The following SPOCK3 variants were observed in gnomAD, a reference collection of about 807,000 sequenced individuals.
SPOCK3 encodes the protein testican-3.
Under a neutral mutation model 56.6 loss-of-function variants are expected in SPOCK3, and 30 were observed. The observed-to-expected ratio is 0.53, with a 90% CI of 0.40 to 0.72. SPOCK3 has a LOEUF of 0.72. Ranked by LOEUF, SPOCK3 falls within the 30% of genes least tolerant of loss-of-function variation. The pLI is 0.00. For synonymous variants in SPOCK3, 196 were observed against 183.3 expected, an observed-to-expected ratio of 1.07 and a Z score of -0.56; for missense variants, 527 against 530.0, an observed-to-expected ratio of 0.99 and a Z score of 0.06.
chr4:167,016,620 A>G (rs1207436482), intron 3 of SPOCK3, among the ~76,000 whole-genome samples: 1 of 151,466 alleles, frequency 6.6e-6, no homozygotes, highest in Non-Finnish European at 1.5e-5. Context: ...AGCTCATTGC[A>G]ACATTTGCCT....
intron 3 of SPOCK3, among the ~76,000 whole-genome samples, chr4:167,055,921 T>A (rs1310969028): frequency 6.6e-6 from 1 of 152,122 alleles, no homozygotes; most frequent in African/African-American, 2.4e-5. Flanking sequence ...GACTTAAATG[T>A]CCCTGTCTGA....
At chr4:167,084,365 C>T (rs1757995131) in intron 2 of SPOCK3, among the ~76,000 whole-genome samples, 1 of 151,994 alleles carries the variant, frequency 6.6e-6, no homozygotes, top group South Asian at 2.1e-4. Flanking sequence ...AGTTTCTCTG[C>T]AATATTTTCC....
At chr4:166,907,954 C>A (rs1489527575) in intron 5 of SPOCK3, among the ~76,000 whole-genome samples, 1 of 151,918 alleles carries the variant, frequency 6.6e-6, no homozygotes, top group Non-Finnish European at 1.5e-5. Flanking sequence ...ACATCCATTT[C>A]TGACAGTGGA....
intron 6 of SPOCK3, among the ~76,000 whole-genome samples, chr4:166,873,351 C>T (rs1278022426): frequency 6.6e-6 from 1 of 151,820 alleles, no homozygotes; most frequent in Non-Finnish European, 1.5e-5. Context: ...TTCTCCAAGC[C>T]CATAATATGT....
At chr4:166,902,056 A>T (rs1736105436) in intron 5 of SPOCK3, among the ~76,000 whole-genome samples, 1 of 152,166 alleles carries the variant, frequency 6.6e-6, no homozygotes, top group Non-Finnish European at 1.5e-5. Context: ...AGAGGCACTG[A>T]CAGCTTTTGT....
chr4:166,865,495 T>A (rs1175076160), intron 6 of SPOCK3, among the ~76,000 whole-genome samples: 1 of 152,204 alleles, frequency 6.6e-6, no homozygotes, highest in East Asian at 1.9e-4. Flanking sequence ...AAAGTGTCTC[T>A]GTTTGCAGAT....
chr4:166,743,375 A>G (rs1172169588), intron 8 of SPOCK3, among the ~76,000 whole-genome samples: 1 of 152,196 alleles, frequency 6.6e-6, no homozygotes, highest in Non-Finnish European at 1.5e-5. Flanking sequence ...AAAGTGGAAT[A>G]AAGAATGAGA....
chr4:167,036,542 T>A (rs971279604), intron 3 of SPOCK3, among the ~76,000 whole-genome samples: 1 of 152,228 alleles, frequency 6.6e-6, no homozygotes, highest in Non-Finnish European at 1.5e-5. Context: ...TGTTATTTAG[T>A]GGCCTCTGAA....
chr4:166,774,930 T>G (rs1739361445), intron 7 of SPOCK3, among the ~76,000 whole-genome samples: 1 of 152,208 alleles, frequency 6.6e-6, no homozygotes, highest in Non-Finnish European at 1.5e-5. Context: ...AAGTGCAACT[T>G]GCTTACATTT....
At chr4:167,230,520 A>C (rs75182538) in intron 2 of SPOCK3, among the ~76,000 whole-genome samples, 2 of 150,204 alleles carry the variant, frequency 1.3e-5, no homozygotes, top group African/African-American at 2.4e-5. Flanking sequence ...AAAAAAAAAA[A>C]CCAGCATGTA....
intron 2 of SPOCK3, among the ~76,000 whole-genome samples, chr4:167,069,246 C>G (rs1756442588): frequency 6.6e-6 from 1 of 151,898 alleles, no homozygotes; most frequent in African/African-American, 2.4e-5. Context: ...TCATGAGAAA[C>G]CTTTCAGCCA....
intron 2 of SPOCK3, among the ~76,000 whole-genome samples, chr4:167,072,590 A>C (rs1039743025): frequency 6.6e-6 from 1 of 151,996 alleles, no homozygotes; most frequent in Non-Finnish European, 1.5e-5. Context: ...TATTGTTCTT[A>C]AAGAACATTA....
chr4:167,210,457 G>C (rs141333959), intron 2 of SPOCK3, among the ~76,000 whole-genome samples: 1 of 152,100 alleles, frequency 6.6e-6, no homozygotes, highest in Non-Finnish European at 1.5e-5. Context: ...GAGATGGTAC[G>C]TCTTGGGTAG....
At chr4:166,814,639 T>C (rs1375262024) in intron 6 of SPOCK3, among the ~76,000 whole-genome samples, 1 of 152,104 alleles carries the variant, frequency 6.6e-6, no homozygotes, top group Non-Finnish European at 1.5e-5. Flanking sequence ...CAGTGGTTTG[T>C]TGGGGGCTCT....
rs114534200 is a variant in SPOCK3 at position 166,959,263 on chromosome 4, G to A, written c.350+41086C>T. ...AATACAGCCTATGACTTTTTTCAAC[G>A]AATTAGTGCTTATGAGAAAAATGAG... On this transcript the variant is annotated intron_variant, in intron 4 of 10. Transcript: ENST00000357545. 9.2e-3 allele frequency among the ~76,000 whole-genome samples: 1,401 copies of A among 152,152 alleles called. 16 individuals carry two copies. The highest frequency in any genetic ancestry group is 0.031 in the African/African-American group (1,297 of 41,524).
At chr4:166,851,948 C>G (rs1391387610) in intron 6 of SPOCK3, among the ~76,000 whole-genome samples, 1 of 151,826 alleles carries the variant, frequency 6.6e-6, no homozygotes, top group East Asian at 1.9e-4. Flanking sequence ...ACATATACAC[C>G]ATGGAATACT....
At chr4:167,085,194 A>ATCCCAGC (rs1390569097) in intron 2 of SPOCK3, among the ~76,000 whole-genome samples, 2 of 151,750 alleles carry the variant, frequency 1.3e-5, no homozygotes, top group African/African-American at 4.8e-5. Flanking sequence ...AAAAACACAA[A>ATCCCAGC]TGTCCTTTGA....
intron 3 of SPOCK3, among the ~76,000 whole-genome samples, chr4:167,019,723 C>T (rs1323423423): frequency 6.6e-6 from 1 of 152,032 alleles, no homozygotes; most frequent in East Asian, 1.9e-4. Context: ...GACTACTGAG[C>T]ATTCTCCAAA....
chr4:166,855,126 C>G (rs148897539), intron 6 of SPOCK3, among the ~76,000 whole-genome samples: 1 of 152,090 alleles, frequency 6.6e-6, no homozygotes, highest in African/African-American at 2.4e-5. Context: ...TCAAAGAGAA[C>G]AGTGAAATTT....
Sources: gnomAD v4.1 joint callset for allele counts (sites outside exome capture counted in the v4.1 genomes callset) on GRCh38, gnomAD v4.1.1 for gene constraint, MANE v1.5 for transcripts, NCBI Gene and HGNC (gene_info 2026-07-23, HGNC 2026-07-21) for gene names.